ARMC9: variants seen among roughly 807,000 people sequenced by gnomAD.
ARMC9 encodes the protein lisH domain-containing protein ARMC9.
Under a neutral mutation model 107.0 loss-of-function variants are expected in ARMC9, and 94 were observed. The observed-to-expected ratio is 0.88, with a 90% confidence interval of 0.74 to 1.04. ARMC9 has a LOEUF of 1.04. Among genes scored for constraint, ARMC9 ranks in the 50% least tolerant of loss-of-function variants. The pLI is 0.00. For synonymous variants in ARMC9, 380 were observed against 396.9 expected (o/e 0.96, Z 0.51); for missense variants, 942 against 1,030.1 (o/e 0.91, Z 1.17).
chr2:231,331,206 A>C (rs1488105632), intron 19 of ARMC9, among the ~76,000 whole-genome samples: 1 of 152,214 alleles, frequency 6.6e-6, no homozygotes, highest in Non-Finnish European at 1.5e-5. Flanking sequence ...GCCCCTAGGC[A>C]GTCTGCTTTC....
intron 1 of ARMC9, among the ~76,000 whole-genome samples, chr2:231,203,034 A>G (rs528341889): frequency 4.6e-5 from 7 of 152,292 alleles, no homozygotes; most frequent in African/African-American, 1.4e-4. Flanking sequence ...CTGAATCCTT[A>G]AAAACTCTTA....
chr2:231,199,591 G>A (rs1377441548), intron 1 of ARMC9, among the ~76,000 whole-genome samples: 1 of 152,214 alleles, frequency 6.6e-6, no homozygotes, highest in Non-Finnish European at 1.5e-5. Context: ...GGTTTACTAT[G>A]AAGGTTAAAT....
chr2:231,236,036 C>T (rs923267116), intron 8 of ARMC9, among the ~76,000 whole-genome samples: 2 of 152,332 alleles, frequency 1.3e-5, no homozygotes, highest in Admixed American at 1.3e-4. Flanking sequence ...ATCCTCCCAC[C>T]TTGGCGTCCC....
chr2:231,265,556 C>T (rs1252222968), intron 12 of ARMC9, among the ~76,000 whole-genome samples: 1 of 152,076 alleles, frequency 6.6e-6, no homozygotes, highest in Non-Finnish European at 1.5e-5. Context: ...AGGATGCAAA[C>T]AAAAATTTTA....
chr2:231,365,511 G>A (rs577130526), intron 23 of ARMC9, among the ~76,000 whole-genome samples: 17 of 152,276 alleles, frequency 1.1e-4, no homozygotes, highest in African/African-American at 3.9e-4. Context: ...AAAGCATTCA[G>A]GGCCCCTAGG....
intron 19 of ARMC9, among the ~76,000 whole-genome samples, chr2:231,319,468 A>G (rs1344401830): frequency 1.3e-5 from 2 of 152,202 alleles, no homozygotes; most frequent in African/African-American, 4.8e-5. Context: ...GCTAGGCACT[A>G]GTAAGGGGTT....
intron 1 of ARMC9, chr2:231,199,033 C>T (rs2030257818): frequency 6.6e-6 from 1 of 152,242 alleles, no homozygotes; most frequent in African/African-American, 2.4e-5. Flanking sequence ...AGCGGGTTAT[C>T]CGGGATTTAG....
intron 12 of ARMC9, among the ~76,000 whole-genome samples, chr2:231,269,318 C>T (rs1164290023): frequency 6.6e-6 from 1 of 151,842 alleles, no homozygotes; most frequent in East Asian, 1.9e-4. Flanking sequence ...TGTTGAACCT[C>T]CTGAACTGGT....
At chr2:231,208,038 G>C (rs541690081) in intron 2 of ARMC9, 89 bp from the exon 3 acceptor site, 25 of 640,640 alleles carry the variant, frequency 3.9e-5, no homozygotes, top group Non-Finnish European at 6.2e-5. Flanking sequence ...TGTCTTCTTT[G>C]GATAAATATC....
chr2:231,237,755 A>ATATG (rs1559332936), intron 8 of ARMC9, among the ~76,000 whole-genome samples: 2 of 22,044 alleles, frequency 9.1e-5, no homozygotes, highest in Non-Finnish European at 1.7e-4. Context: ...GGCTATATGT[A>ATATG]TATATATATA....
intron 22 of ARMC9, among the ~76,000 whole-genome samples, chr2:231,357,787 T>C (rs1276310415): frequency 6.6e-6 from 1 of 152,148 alleles, no homozygotes; most frequent in Non-Finnish European, 1.5e-5. Context: ...CCTAGGCTGG[T>C]CTTGAACTCC....
At chr2:231,227,231 T>C (rs906598326) in intron 7 of ARMC9, among the ~76,000 whole-genome samples, 1 of 152,228 alleles carries the variant, frequency 6.6e-6, no homozygotes, top group Non-Finnish European at 1.5e-5. Context: ...GCATTTTCCA[T>C]TCCCAAGTAG....
chr2:231,258,818 G>A, intron 10 of ARMC9, 173 bp from the exon 11 acceptor site: 2 of 619,164 alleles, frequency 3.2e-6, no homozygotes, highest in East Asian at 2.8e-5. Context: ...TGAGCTGGTT[G>A]AAGCTGAGGT....
chr2:231,310,744 T>TA lies in ARMC9; in HGVS notation c.1773+14503dup, dbSNP rs199719637. On this transcript the variant is annotated intron_variant, in intron 19 of 24. Coordinates refer to ENST00000611582, the MANE Select transcript of ARMC9 (RefSeq NM_001352754.2). ...ACGAGTGAAACTCCGTCTCAAAAGATAAAAAAAAAAAAGGTAAGCTGTGAT... is the reference window on the plus strand; with the variant it reads ...ACGAGTGAAACTCCGTCTCAAAAGATAAAAAAAAAAAAAGGTAAGCTGTGAT... Among the ~76,000 whole-genome samples the TA allele has an allele frequency of 6.3e-3, 781 of 124,456 alleles. 8 individuals carry two copies. Among genetic ancestry groups the TA allele is most frequent in the African/African-American group, 0.02 (682 of 33,770 alleles). The allele number at this position is 124,456 out of a possible 152,430, so 81.6% of individuals were successfully genotyped here.
intron 18 of ARMC9, among the ~76,000 whole-genome samples, chr2:231,293,108 G>A (rs1445621227): frequency 6.6e-6 from 1 of 152,148 alleles, no homozygotes; most frequent in Non-Finnish European, 1.5e-5. Context: ...TTTTAGGCTG[G>A]GTGCCCATTT....
chr2:231,305,788 AC>A (rs1034518808), intron 19 of ARMC9, among the ~76,000 whole-genome samples: 134 of 152,286 alleles, frequency 8.8e-4, no homozygotes, highest in African/African-American at 2.8e-3. Context: ...ATTCCTGTCT[AC>A]CCATCATACA....
intron 9 of ARMC9, among the ~76,000 whole-genome samples, chr2:231,240,982 G>A (rs1369727866): frequency 3.9e-5 from 6 of 152,060 alleles, no homozygotes; most frequent in East Asian, 1.9e-4. Context: ...GGTGGATCAC[G>A]AGGTCAGGAG....
chr2:231,286,198 C>A (rs1287073871), intron 17 of ARMC9, among the ~76,000 whole-genome samples: 1 of 151,982 alleles, frequency 6.6e-6, no homozygotes, highest in African/African-American at 2.4e-5. Context: ...TTACTGTAAC[C>A]TCCGCCTCCC....
At chr2:231,271,786 C>T (rs1264701783) in intron 13 of ARMC9, among the ~76,000 whole-genome samples, 3 of 152,168 alleles carry the variant, frequency 2.0e-5, no homozygotes, top group Non-Finnish European at 4.4e-5. Context: ...TTAACATCTT[C>T]CATATCCATT....
Sources: gnomAD v4.1 joint callset for allele counts (sites outside exome capture counted in the v4.1 genomes callset) on GRCh38, gnomAD v4.1.1 for gene constraint, MANE v1.5 for transcripts, NCBI Gene and HGNC (gene_info 2026-07-23, HGNC 2026-07-21) for gene names.